The following AFTPH variants were observed in gnomAD, a reference collection of about 807,000 sequenced individuals.
The protein encoded by AFTPH is aftiphilin.
AFTPH carries 7 observed loss-of-function variants against 72.5 expected under a neutral mutation model. The ratio of observed to expected loss-of-function variants is 0.10; its 90% CI spans 0.05 to 0.18. AFTPH has a LOEUF of 0.18. Among genes scored for constraint, AFTPH ranks in the 10% least tolerant of loss-of-function variants. The probability of loss-of-function intolerance (pLI) is 1.00; values close to 1 mark genes in which losing one functional copy is unlikely to be tolerated. For missense variants in AFTPH, 979 were observed against 1,060.5 expected (o/e 0.92, Z 1.07); for synonymous variants, 337 against 370.1 (o/e 0.91, Z 1.03).
At chr2:64,558,798 G>A (rs142271213) in intron 2 of AFTPH, among the ~76,000 whole-genome samples, 107 of 152,302 alleles carry the variant, frequency 7.0e-4, no homozygotes, top group African/African-American at 2.5e-3. Context: ...ATCAGTGGCC[G>A]AAGCCTATCC....
rs865787848 is a variant in AFTPH, at chr2:64,589,958, G to A, written c.2580-1927G>A. 3.0e-3 allele frequency among the ~76,000 whole-genome samples: 256 copies of A among 85,370 alleles called. 5 individuals are homozygous for A. The highest frequency in any genetic ancestry group is 0.011 in the African/African-American group (233 of 21,614). 56.0% of individuals were successfully genotyped at this position (85,370 alleles called of 152,430 possible). ...AAATACATATATGGGGGGGGGGGGG[G>A]GGTTTCCACCAAAAATGAGATTTTA... On this transcript the variant is annotated intron_variant, in intron 8 of 8. Coordinates refer to ENST00000238856, the Ensembl canonical transcript of AFTPH.
intron 6 of AFTPH, among the ~76,000 whole-genome samples, chr2:64,575,016 T>C (rs1177912859): frequency 2.6e-5 from 4 of 152,086 alleles, no homozygotes; most frequent in African/African-American, 4.8e-5. Context: ...GCTGTACTTA[T>C]TGAGACCATT....
At chr2:64,541,469 T>G (rs1363955652) in intron 1 of AFTPH, among the ~76,000 whole-genome samples, 1 of 152,178 alleles carries the variant, frequency 6.6e-6, no homozygotes, top group African/African-American at 2.4e-5. Flanking sequence ...TTTCTGTAGA[T>G]TTTAAAATTT....
chr2:64,583,754 C>T (rs773705948), intron 7 of AFTPH, among the ~76,000 whole-genome samples: 12 of 152,022 alleles, frequency 7.9e-5, no homozygotes, highest in Non-Finnish European at 1.3e-4. Flanking sequence ...ATTTTGAAAC[C>T]GTACCTTAAT....
At chr2:64,532,766 T>C (rs1265563080) in intron 1 of AFTPH, among the ~76,000 whole-genome samples, 1 of 152,150 alleles carries the variant, frequency 6.6e-6, no homozygotes, top group Admixed American at 6.6e-5. Context: ...AAGAATATGG[T>C]AATTATTAAT....
chr2:64,552,614 T>C, exon 2 of AFTPH: 2 of 1,614,200 alleles, frequency 1.2e-6, no homozygotes, highest in South Asian at 2.2e-5. Flanking sequence ...ATGATGAAGT[T>C]GGTTCTCCCA....
At position 64,573,078 on chromosome 2, in the gene AFTPH, T is replaced by C. The variant is rs769705004; in HGVS notation, c.2394+10T>C. On this transcript the variant is annotated intron_variant, in intron 6 of 8. Transcript: ENST00000238856. ...ATCTGATCAGTTCCAGGTAAAAATA[T>C]CTATATGTGTATAAATATGTTTATG... 5.0e-6 allele frequency: 8 copies of C among 1,608,980 alleles called. No homozygotes were observed. Among genetic ancestry groups the C allele is most frequent in the Non-Finnish European group, 6.8e-6 (8 of 1,175,534 alleles).
At chr2:64,527,962 AAGG>A (rs2103793017) in intron 1 of AFTPH, among the ~76,000 whole-genome samples, 1 of 152,340 alleles carries the variant, frequency 6.6e-6, no homozygotes, top group East Asian at 1.9e-4. Context: ...GGGAGGAAGA[AAGG>A]AGGTGGGGAA....
chr2:64,553,524 T>C (rs1671175615), intron 2 of AFTPH, 115 bp downstream of exon 2: 3 of 1,129,542 alleles, frequency 2.7e-6, no homozygotes, highest in Non-Finnish European at 3.6e-6. Context: ...AGTCTCGTTA[T>C]GATGTATAAT....
chr2:64,589,030 A>C (rs1673668417), intron 8 of AFTPH, among the ~76,000 whole-genome samples: 1 of 152,160 alleles, frequency 6.6e-6, no homozygotes, highest in Non-Finnish European at 1.5e-5. Flanking sequence ...CATTATCTTG[A>C]TAGTATTCTT....
chr2:64,583,405 G>T (rs1442092605), intron 7 of AFTPH, among the ~76,000 whole-genome samples: 2 of 146,198 alleles, frequency 1.4e-5, no homozygotes, highest in African/African-American at 2.5e-5. Context: ...TCATAGTTTT[G>T]GGGGGGGTTT....
intron 1 of AFTPH, chr2:64,525,704 C>T (rs1558585819): frequency 6.6e-6 from 1 of 152,156 alleles, no homozygotes; most frequent in Admixed American, 6.5e-5. Context: ...CTAGGGACAA[C>T]AAATGTTTCA....
intron 2 of AFTPH, among the ~76,000 whole-genome samples, chr2:64,553,754 A>G (rs1306590061): frequency 6.6e-6 from 1 of 150,562 alleles, no homozygotes; most frequent in Non-Finnish European, 1.5e-5. Context: ...GTTCCAGTCA[A>G]TCCTTCAGTA....
At chr2:64,546,595 T>A (rs1670640173) in intron 1 of AFTPH, among the ~76,000 whole-genome samples, 1 of 151,838 alleles carries the variant, frequency 6.6e-6, no homozygotes, top group African/African-American at 2.4e-5. Flanking sequence ...TTTGAAACAA[T>A]CACAAACATA....
intron 2 of AFTPH, among the ~76,000 whole-genome samples, chr2:64,566,264 A>G (rs1672084235): frequency 6.8e-6 from 1 of 148,038 alleles, no homozygotes. Flanking sequence ...TGATAGTGAG[A>G]ACCTTTTCCA....
intron 1 of AFTPH, among the ~76,000 whole-genome samples, chr2:64,532,548 A>G (rs781033009): frequency 2.0e-5 from 3 of 152,190 alleles, no homozygotes; most frequent in Non-Finnish European, 4.4e-5. Flanking sequence ...TGTTACAGAT[A>G]TTAAAGGATA....
intron 2 of AFTPH, among the ~76,000 whole-genome samples, chr2:64,560,305 A>G (rs564892776): frequency 1.3e-5 from 2 of 152,278 alleles, no homozygotes; most frequent in East Asian, 1.9e-4. Context: ...CAATTCATAC[A>G]TGAAGCTTTG....
At chr2:64,546,152 C>T (rs1037045823) in intron 1 of AFTPH, among the ~76,000 whole-genome samples, 3 of 151,798 alleles carry the variant, frequency 2.0e-5, no homozygotes, top group Non-Finnish European at 4.4e-5. Flanking sequence ...CTCGGCCTCC[C>T]AAAGCGCTGG....
chr2:64,552,406 G>T (rs1160649852), exon 2 of AFTPH: 1 of 1,614,096 alleles, frequency 6.2e-7, no homozygotes, highest in Admixed American at 1.7e-5. Flanking sequence ...AGAGGTTTCA[G>T]TGTTGAAAAA....
Sources: gnomAD v4.1 joint callset for allele counts (sites outside exome capture counted in the v4.1 genomes callset) on GRCh38, gnomAD v4.1.1 for gene constraint, MANE v1.5 for transcripts, NCBI Gene and HGNC (gene_info 2026-07-23, HGNC 2026-07-21) for gene names.